The following PKD2L2 variants were observed in gnomAD, a reference collection of about 807,000 sequenced individuals.
PKD2L2 encodes polycystin 2 like 2, transient receptor potential cation channel.
In PKD2L2, 67 loss-of-function variants were observed where a neutral mutation model predicts 83.9. The ratio of observed to expected loss-of-function variants is 0.80; its 90% CI spans 0.66 to 0.98. The LOEUF is 0.98. Ranked by LOEUF, PKD2L2 falls within the 50% of genes least tolerant of loss-of-function variation. The pLI is 0.00. For missense variants in PKD2L2, 632 were observed against 717.2 expected (o/e 0.88, Z 1.36); for synonymous variants, 223 against 237.8 (o/e 0.94, Z 0.57).
chr5:137,902,037 A>G (rs1418787625), intron 5 of PKD2L2, among the ~76,000 whole-genome samples: 1 of 152,174 alleles, frequency 6.6e-6, no homozygotes, highest in East Asian at 1.9e-4. Flanking sequence ...GTTTCAGGAA[A>G]CTGATCTTGG....
chr5:137,895,819 G>A (rs1756407666), intron 4 of PKD2L2, among the ~76,000 whole-genome samples: 1 of 151,178 alleles, frequency 6.6e-6, no homozygotes, highest in African/African-American at 2.4e-5. Context: ...CGAAGGTTGT[G>A]GTGAACTGAG....
chr5:137,937,101 G>A (rs879654087), intron 14 of PKD2L2, among the ~76,000 whole-genome samples: 32 of 152,280 alleles, frequency 2.1e-4, no homozygotes, highest in Middle Eastern at 3.4e-3. Flanking sequence ...TATCAAGTGC[G>A]TCAGGTACCA....
chr5:137,890,420 A>G (rs1002821310), intron 1 of PKD2L2, 61 bp from the exon 2 acceptor site: 5 of 868,176 alleles, frequency 5.8e-6, no homozygotes, highest in African/African-American at 3.5e-5. Context: ...TGGTTTTTCC[A>G]TTGTTGTCAC....
At chr5:137,891,469 G>GAAA (rs556956890) in intron 2 of PKD2L2, among the ~76,000 whole-genome samples, 1 of 119,330 alleles carries the variant, frequency 8.4e-6, no homozygotes. Flanking sequence ...CTGTCCCAAG[G>GAAA]AAAAAAAAAA....
chr5:137,899,873 A>G (rs1580901873), intron 5 of PKD2L2, 136 bp downstream of exon 5: 1 of 500,230 alleles, frequency 2.0e-6, no homozygotes. Context: ...TTCAGTAAAT[A>G]TATTGGAAAA....
intron 8 of PKD2L2, among the ~76,000 whole-genome samples, chr5:137,916,183 C>CT (rs1022442785): frequency 1.3e-4 from 20 of 148,646 alleles, no homozygotes; most frequent in South Asian, 2.1e-4. Flanking sequence ...TTCTCCCTCA[C>CT]TTTTTTTTTT....
intron 13 of PKD2L2, 55 bp downstream of exon 13, chr5:137,935,964 G>A: frequency 1.0e-6 from 1 of 970,710 alleles, no homozygotes; most frequent in Non-Finnish European, 1.6e-6. Flanking sequence ...GCGCATTAAG[G>A]ACATGAGTTA....
chr5:137,919,184 C>G (rs1247569323), intron 8 of PKD2L2, among the ~76,000 whole-genome samples: 1 of 152,108 alleles, frequency 6.6e-6, no homozygotes, highest in Admixed American at 6.6e-5. Context: ...AGGGAGAACT[C>G]TATCTAAAGT....
In PKD2L2 at chr5:137,906,484, C is replaced by T. The variant is rs750933626; in HGVS notation, c.975+50C>T. On this transcript the variant is annotated intron_variant, in intron 6 of 14. Transcript: ENST00000508883. The stretch of plus-strand genomic sequence containing the variant: ...TTGAAGGGGATCACATCTGAACCTA[C>T]CAATGAAGGAGGTGTAAAAAGACAG... 5.7e-6 allele frequency: 5 copies of T among 870,126 alleles called. No homozygotes were observed. The African/African-American group carries it at 8.5e-5, about 15-fold the overall frequency. The allele number at this position is 870,126 out of a possible 1,614,324, so 53.9% of individuals were successfully genotyped here.
intron 4 of PKD2L2, among the ~76,000 whole-genome samples, chr5:137,897,098 G>T (rs1756550158): frequency 6.7e-6 from 1 of 149,762 alleles, no homozygotes; most frequent in African/African-American, 2.4e-5. Context: ...TTGCTCTGTT[G>T]CCCAAGCTGG....
intron 5 of PKD2L2, 121 bp downstream of exon 5, chr5:137,899,858 T>C: frequency 4.0e-6 from 2 of 500,896 alleles, no homozygotes; most frequent in Non-Finnish European, 7.1e-6. Flanking sequence ...TAGATATGGA[T>C]TTTTTTCAGT....
chr5:137,938,918 GC>G (rs1760885936), intron 14 of PKD2L2: 1 of 151,952 alleles, frequency 6.6e-6, no homozygotes, highest in African/African-American at 2.4e-5. Context: ...ATCCAAAAAA[GC>G]ACCAGAAAAA....
At chr5:137,893,029 A>G (rs994098490) in intron 3 of PKD2L2, among the ~76,000 whole-genome samples, 1 of 152,100 alleles carries the variant, frequency 6.6e-6, no homozygotes, top group Non-Finnish European at 1.5e-5. Context: ...AGATCATGCC[A>G]TTGCACTCCA....
intron 8 of PKD2L2, among the ~76,000 whole-genome samples, chr5:137,915,404 A>T (rs528858813): frequency 1.6e-4 from 24 of 148,980 alleles, no homozygotes; most frequent in East Asian, 1.6e-3. Context: ...TTTAAATTTT[A>T]ATTTTTATTT....
chr5:137,895,660 T>C (rs974956570), intron 4 of PKD2L2, among the ~76,000 whole-genome samples: 1 of 151,854 alleles, frequency 6.6e-6, no homozygotes, highest in African/African-American at 2.4e-5. Flanking sequence ...GGTGGATTAT[T>C]TGAGTTCAGG....
rs188181323 is a variant in PKD2L2 at position 137,915,766 on chromosome 5, T to G, written c.1329-5870T>G. Among the ~76,000 whole-genome samples, 209 of 152,354 alleles carry G rather than the reference T, an allele frequency of 1.4e-3. 6 individuals carry two copies. In the East Asian group the frequency reaches 0.034, roughly 25 times the overall value. On this transcript the variant is annotated intron_variant, in intron 8 of 14. Coordinates refer to ENST00000508883, the MANE Select transcript of PKD2L2 (RefSeq NM_001300921.2). The stretch of plus-strand genomic sequence containing the variant: ...ACTGAAAAATTTTAATGCATTAGTC[T>G]CTTAAATTATGTAGAAAACAAAAAT...
At chr5:137,891,540 G>C (rs904034486) in intron 2 of PKD2L2, among the ~76,000 whole-genome samples, 2 of 151,844 alleles carry the variant, frequency 1.3e-5, no homozygotes, top group African/African-American at 4.8e-5. Context: ...ATAAAAGCTT[G>C]GTTATGAAAA....
chr5:137,941,230 A>T (rs913779510), intron 14 of PKD2L2, among the ~76,000 whole-genome samples: 1 of 151,942 alleles, frequency 6.6e-6, no homozygotes, highest in Non-Finnish European at 1.5e-5. Flanking sequence ...TTTTTTAACC[A>T]TATGTGCCAA....
intron 14 of PKD2L2, 34 bp downstream of exon 14, chr5:137,936,461 T>TC (rs1760410399): frequency 2.1e-6 from 1 of 486,400 alleles, no homozygotes; most frequent in East Asian, 8.7e-5. Context: ...TGAGCATTTC[T>TC]TTTTTTTTTT....
Sources: allele counts gnomAD v4.1 joint callset (sites outside exome capture counted in the v4.1 genomes callset), GRCh38; gene constraint gnomAD v4.1.1; transcripts MANE v1.5; gene names NCBI Gene and HGNC (gene_info 2026-07-23, HGNC 2026-07-21).